The following IGSF9B variants were observed in gnomAD, a reference collection of about 807,000 sequenced individuals.
IGSF9B encodes the protein immunoglobulin superfamily member 9B.
In IGSF9B, 48 loss-of-function variants were observed where a neutral mutation model predicts 143.7. The ratio of observed to expected loss-of-function variants is 0.33; its 90% CI spans 0.26 to 0.42. IGSF9B has a LOEUF of 0.42. IGSF9B is among the 20% of genes least tolerant of loss of function. The pLI, the probability that IGSF9B is intolerant of heterozygous loss-of-function variation, is 1.00. For synonymous variants in IGSF9B, 903 were observed against 833.1 expected (o/e 1.08, Z -1.44); for missense variants, 1,706 against 1,980.0 (o/e 0.86, Z 2.63).
intron 1 of IGSF9B, among the ~76,000 whole-genome samples, chr11:133,947,612 T>C (rs1345160842): frequency 6.6e-6 from 1 of 152,222 alleles, no homozygotes; most frequent in African/African-American, 2.4e-5. Context: ...CGGACCCCTG[T>C]GTGCACCTCG....
Position 133,903,528 on chromosome 11 carries a change from C to A in IGSF9B, c.*5541G>T, listed in dbSNP as rs1027235964. 4.6e-5 allele frequency among the ~76,000 whole-genome samples: 7 copies of A among 152,214 alleles called. No homozygotes were observed. Among genetic ancestry groups the A allele is most frequent in the Admixed American group, 1.3e-4 (2 of 15,284 alleles). On this transcript the variant is annotated 3_prime_UTR_variant, in exon 20 of 20. Coordinates refer to ENST00000533871, the MANE Select transcript of IGSF9B (RefSeq NM_001277285.4). ...ATATGGCAACCAAGATACCCAGACT[C>A]TTCCTTCTCTAAGATGTGAGCAGCC...
intron 19 of IGSF9B, among the ~76,000 whole-genome samples, chr11:133,911,532 A>C (rs1939301668): frequency 6.6e-6 from 1 of 152,270 alleles, no homozygotes; most frequent in Admixed American, 6.5e-5. Flanking sequence ...TTGAAAACAC[A>C]CTAAAATAAT....
intron 15 of IGSF9B, 75 bp from the exon 16 acceptor site, chr11:133,922,805 A>G (rs553992787): frequency 9.0e-5 from 123 of 1,368,410 alleles, no homozygotes; most frequent in South Asian, 3.0e-4. Context: ...TCAGTCCCCA[A>G]GTGTTTCACC....
At chr11:133,912,480 A>C (rs1939316179) in intron 18 of IGSF9B, 3 of 405,704 alleles carry the variant, frequency 7.4e-6, no homozygotes, top group South Asian at 5.5e-5. Flanking sequence ...GGGGGTGCTA[A>C]GTGAGAAACC....
chr11:133,956,146 G>A (rs1591730340), intron 1 of IGSF9B, among the ~76,000 whole-genome samples: 1 of 152,176 alleles, frequency 6.6e-6, no homozygotes, highest in African/African-American at 2.4e-5. Flanking sequence ...AAGATGTGTG[G>A]GCAGGAGGGG....
At chr11:133,952,591 C>A (rs1462447956) in intron 1 of IGSF9B, among the ~76,000 whole-genome samples, 1 of 152,184 alleles carries the variant, frequency 6.6e-6, no homozygotes, top group Non-Finnish European at 1.5e-5. Context: ...ATACAGATTT[C>A]ACATGTATGT....
At chr11:133,922,320 C>G in intron 16 of IGSF9B, 98 bp from the exon 17 acceptor site, 1 of 1,206,582 alleles carries the variant, frequency 8.3e-7, no homozygotes, top group Non-Finnish European at 1.2e-6. Flanking sequence ...CACCACCGCA[C>G]AGGGAAGGAG....
At position 133,931,131 on chromosome 11, in the gene IGSF9B, C is replaced by G; in HGVS notation, c.1372G>C (p.Gly458Arg). The G allele has an allele frequency of 6.2e-7, 1 of 1,611,662 alleles. No individual in the cohort carries two copies. Among genetic ancestry groups the G allele is most frequent in the Admixed American group, 1.7e-5 (1 of 59,838 alleles). Residue 458 changes from glycine (G) to arginine (R), a missense_variant, in exon 11 of 20, where the codon GGG (glycine) becomes CGG (arginine). This residue lies in a region of IGSF9B where 238 missense variants were observed against 452.6 expected (regional missense o/e 0.53). Transcript: ENST00000533871. This position sits in a 1 kb window ranked among gnomAD's most constrained non-coding sequence, Gnocchi z 7.7. ...PFPVITWRKV[G>R]KPSRSKHSAL... The stretch of plus-strand genomic sequence containing the variant: ...CTGTGCTTGCTTCTGCTGGGCTTCC[C>G]TACCTTGGTGAACAAGGGGCAGGGA...
chr11:133,938,175 T>C (rs1249832525), intron 3 of IGSF9B: 3 of 564,452 alleles, frequency 5.3e-6, no homozygotes, highest in Admixed American at 3.0e-5. Context: ...AAATTCTGTA[T>C]TGTAGCTTAT....
intron 4 of IGSF9B, 78 bp downstream of exon 4, chr11:133,937,732 G>A (rs952355891): frequency 1.4e-4 from 210 of 1,484,616 alleles, no homozygotes; most frequent in Non-Finnish European, 1.8e-4. Flanking sequence ...GTAGCATCAG[G>A]GGTCGGCTGC....
At position 133,937,437 on chromosome 11, in the gene IGSF9B, G is replaced by A. The variant is rs757592275; in HGVS notation, c.618C>T (p.Tyr206=). 4.3e-6 allele frequency: 7 copies of A among 1,613,780 alleles called. No individual in the cohort carries two copies. Among genetic ancestry groups the A allele is most frequent in the African/African-American group, 4.0e-5 (3 of 74,944 alleles). The change falls in exon 5 of 20, where the codon TAC becomes TAT. Residue 206 remains tyrosine, a synonymous_variant. Coordinates refer to ENST00000533871, the MANE Select transcript of IGSF9B (RefSeq NM_001277285.4). ...TSVSREDRGA[Y]TCRAYSIQGE... ...CCTGAATGCTGTACGCTCGGCAGGT[G>A]TAGGCACCTCTGTCCTCCCGACTGA...
rs1939480055 is a variant in IGSF9B, at chr11:133,919,875, A to C, written c.3850T>G (p.Ser1284Ala). 6.3e-7 allele frequency: 1 copy of C among 1,577,648 alleles called. No homozygotes were observed. Among genetic ancestry groups the C allele is most frequent in the Non-Finnish European group, 8.6e-7 (1 of 1,160,712 alleles). Residue 1284 changes from serine (S) to alanine (A), a missense_variant, in exon 18 of 20, where the codon TCC becomes GCC. By Grantham distance (99) the Ser-to-Ala change is moderately conservative. Coordinates refer to ENST00000533871, the MANE Select transcript of IGSF9B (RefSeq NM_001277285.4). ...GCAGGGGCGGGGCCGGGTGGAGGGG[A>C]AGGGTAGCCGGTGGCCAGAGTGGTG... ...GFTTLATGYP[S>A]PPPGPAPAGP...
chr11:133,924,250 C>CTA (rs1939587237), intron 15 of IGSF9B, among the ~76,000 whole-genome samples: 1 of 152,062 alleles, frequency 6.6e-6, no homozygotes, highest in African/African-American at 2.4e-5. Flanking sequence ...GTCTCAGGAA[C>CTA]TATAGCTGGA....
rs552131604 is a variant in IGSF9B at position 133,908,003 on chromosome 11, C to T, written c.*1066G>A. On this transcript the variant is annotated 3_prime_UTR_variant, in exon 20 of 20. Transcript: ENST00000533871. The stretch of plus-strand genomic sequence containing the variant: ...AAAAGCAAAGGAGGATCCAATCAGC[C>T]GCTGTGGAACAGCACTGCACAGAGT... 2.2e-4 allele frequency among the ~76,000 whole-genome samples: 34 copies of T among 152,342 alleles called. No individual in the cohort carries two copies. The highest frequency in any genetic ancestry group is 1.5e-3 in the South Asian group (7 of 4,826).
chr11:133,926,908 G>T lies in IGSF9B; in HGVS notation c.1807+8C>A. The T allele has an allele frequency of 6.4e-7, 1 of 1,570,748 alleles. No individual in the cohort carries two copies. ...CCCCGCTCCCAACATCCCACCCCGG[G>T]CCCTCACCTAAAGTGTTCACAGTGA... On this transcript the variant is annotated splice_region_variant and intron_variant, in intron 13 of 19. Transcript: ENST00000533871.
At chr11:133,935,554 T>A (rs1295868936) in intron 7 of IGSF9B, 63 bp downstream of exon 7, 1 of 1,523,148 alleles carries the variant, frequency 6.6e-7, no homozygotes, top group African/African-American at 1.4e-5. Context: ...CAGCCTACAG[T>A]CTGGCTAACA....
intron 18 of IGSF9B, among the ~76,000 whole-genome samples, chr11:133,914,353 A>G (rs1373921387): frequency 6.6e-6 from 1 of 152,110 alleles, no homozygotes; most frequent in Non-Finnish European, 1.5e-5. Flanking sequence ...CAATCCACAA[A>G]GGTATAGCAG....
At chr11:133,930,924 CCCGCCCCCAG>C in intron 11 of IGSF9B, 50 bp downstream of exon 11, 1 of 1,504,690 alleles carries the variant, frequency 6.6e-7, no homozygotes, top group Non-Finnish European at 8.9e-7. Flanking sequence ...CGTCCAGCAC[CCCGCCCCCAG>C]CCAGCCTGCT....
intron 3 of IGSF9B, among the ~76,000 whole-genome samples, chr11:133,939,504 G>A (rs962739953): frequency 6.6e-6 from 1 of 152,236 alleles, no homozygotes; most frequent in African/African-American, 2.4e-5. Context: ...CAAGGGCTCA[G>A]CAAACATTTG....
Sources: allele counts gnomAD v4.1 joint callset (sites outside exome capture counted in the v4.1 genomes callset), GRCh38; gene constraint gnomAD v4.1.1; regional missense constraint gnomAD v4.1.1; non-coding constraint Gnocchi (gnomAD v3.1); transcripts MANE v1.5; gene names NCBI Gene and HGNC (gene_info 2026-07-23, HGNC 2026-07-21).